The following EML6 variants were observed in gnomAD, a reference collection of about 807,000 sequenced individuals.
EML6 encodes echinoderm microtubule-associated protein-like 6.
In EML6, 154 loss-of-function variants were observed where a neutral mutation model predicts 240.1. That is an observed-to-expected ratio of 0.64 (90% confidence interval 0.56 to 0.73). The LOEUF (loss-of-function observed/expected upper bound fraction) is 0.73. Ranked by LOEUF, EML6 falls within the 30% of genes least tolerant of loss-of-function variation. The pLI, the probability that EML6 is intolerant of heterozygous loss-of-function variation, is 0.00. For missense variants in EML6, 2,964 were observed against 2,474.6 expected (o/e 1.20, Z -4.20); for synonymous variants, 1,148 against 899.0 (o/e 1.28, Z -4.95).
intron 17 of EML6, chr2:54,881,560 A>G (rs1671808861): frequency 6.6e-6 from 1 of 151,560 alleles, no homozygotes; most frequent in African/African-American, 2.4e-5. Flanking sequence ...GAGGCAGGAA[A>G]ATCGCTTGAA....
intron 17 of EML6, chr2:54,882,549 T>C (rs1231551236): frequency 1.3e-5 from 2 of 151,702 alleles, no homozygotes; most frequent in Non-Finnish European, 2.9e-5. Context: ...AATCTGAAAG[T>C]TTTGCTGCTA....
chr2:54,794,074 A>G (rs1457930101), intron 2 of EML6, among the ~76,000 whole-genome samples: 1 of 152,184 alleles, frequency 6.6e-6, no homozygotes, highest in Non-Finnish European at 1.5e-5. Flanking sequence ...TGTACTAAGT[A>G]TATTCCATAT....
intron 2 of EML6, among the ~76,000 whole-genome samples, chr2:54,779,774 A>G (rs1668765338): frequency 6.8e-6 from 1 of 147,804 alleles, no homozygotes; most frequent in Non-Finnish European, 1.5e-5. Flanking sequence ...AAGTGGGAGG[A>G]TGGCTTGAGC....
intron 13 of EML6, 122 bp downstream of exon 13, chr2:54,864,011 A>T (rs895766166): frequency 6.8e-6 from 4 of 591,358 alleles, no homozygotes; most frequent in Non-Finnish European, 8.9e-6. Flanking sequence ...AAACAAGAAA[A>T]ATAGTCTACT....
At chr2:54,858,234 G>A (rs1447163918) in intron 11 of EML6, among the ~76,000 whole-genome samples, 1 of 152,180 alleles carries the variant, frequency 6.6e-6, no homozygotes, top group Non-Finnish European at 1.5e-5. Context: ...TTATGACGTG[G>A]CATATAGAGA....
intron 24 of EML6, among the ~76,000 whole-genome samples, chr2:54,907,288 C>T (rs867163208): frequency 3.3e-5 from 5 of 151,982 alleles, no homozygotes; most frequent in Non-Finnish European, 7.4e-5. Flanking sequence ...AGGTGGGTGA[C>T]CTGAGGTGAG....
In EML6 at chr2:54,876,377, T is replaced by C. The variant is rs79055538; in HGVS notation, c.2345-3170T>C. Reference sequence around the variant, plus strand: ...ATGGCTGTTGAGGCACCTCTGGGTTTGCACTGCTGCTTCCATTGCTACCCA... The same window carrying C: ...ATGGCTGTTGAGGCACCTCTGGGTTCGCACTGCTGCTTCCATTGCTACCCA... On this transcript the variant is annotated intron_variant, in intron 16 of 41. Transcript: ENST00000356458. Among the ~76,000 whole-genome samples the C allele has an allele frequency of 9.3e-3, 1,423 of 152,290 alleles. 45 individuals are homozygous for C. In the South Asian group the frequency reaches 0.1, roughly 11 times the overall value.
intron 7 of EML6, among the ~76,000 whole-genome samples, chr2:54,836,113 G>A (rs1282485431): frequency 2.0e-5 from 3 of 152,168 alleles, no homozygotes; most frequent in Admixed American, 2.0e-4. Flanking sequence ...ACACTGCAGA[G>A]GCCCGAGCCT....
At chr2:54,825,232 GTC>G (rs1412846259) in intron 5 of EML6, among the ~76,000 whole-genome samples, 10 of 152,206 alleles carry the variant, frequency 6.6e-5, no homozygotes, top group Non-Finnish European at 7.3e-5. Context: ...AAAGGGAACT[GTC>G]TGCCTTAAGC....
At chr2:54,845,521 A>G (rs923677875) in intron 8 of EML6, among the ~76,000 whole-genome samples, 9 of 152,234 alleles carry the variant, frequency 5.9e-5, no homozygotes, top group African/African-American at 2.2e-4. Flanking sequence ...ACATTTTTAC[A>G]CTAAGTATTA....
intron 26 of EML6, among the ~76,000 whole-genome samples, chr2:54,924,799 G>A (rs1055886911): frequency 1.3e-5 from 2 of 152,234 alleles, no homozygotes; most frequent in East Asian, 1.9e-4. Flanking sequence ...CTGACCTCAG[G>A]TGATCCACCT....
chr2:54,748,716 T>G (rs1004682871), intron 2 of EML6, among the ~76,000 whole-genome samples: 2 of 152,032 alleles, frequency 1.3e-5, no homozygotes, highest in Non-Finnish European at 2.9e-5. Flanking sequence ...CATGCCACAC[T>G]CTCTGCTAAT....
At chr2:54,875,667 T>C (rs573501429) in intron 16 of EML6, among the ~76,000 whole-genome samples, 2 of 152,346 alleles carry the variant, frequency 1.3e-5, no homozygotes, top group South Asian at 4.1e-4. Context: ...TTGGGCAAAA[T>C]CTGTAACTGG....
intron 26 of EML6, among the ~76,000 whole-genome samples, chr2:54,919,455 C>A (rs1674108300): frequency 6.6e-6 from 1 of 152,132 alleles, no homozygotes; most frequent in Non-Finnish European, 1.5e-5. Flanking sequence ...TTGTTAATAA[C>A]TGATTAGGTT....
Position 54,954,020 on chromosome 2 carries a change from CAA to C in EML6, c.4352_4353del (p.Lys1451ThrfsTer34), listed in dbSNP as rs1676113348. On this transcript the variant is annotated frameshift_variant, in exon 32 of 42. Transcript: ENST00000356458. LOFTEE classifies it high-confidence loss of function. Reference sequence around the variant, plus strand: ...CCATCCACATATGGGACGCCATGACCAAACACACCCTCTCCATGCTGCGGTGC... The same window carrying C: ...CCATCCACATATGGGACGCCATGACCACACACCCTCTCCATGCTGCGGTGC... ...PSIHIWDAMT[K>X]HTLSMLRCFH... 2 of 1,551,760 alleles carry C rather than the reference CAA, an allele frequency of 1.3e-6. No individual in the cohort carries two copies. The highest frequency in any genetic ancestry group is 3.9e-5 in the Admixed American group (2 of 50,956).
intron 13 of EML6, among the ~76,000 whole-genome samples, chr2:54,864,594 C>T (rs767510830): frequency 1.3e-5 from 2 of 152,174 alleles, no homozygotes; most frequent in Non-Finnish European, 2.9e-5. Context: ...GAAGCAGATT[C>T]TGTACATGAA....
chr2:54,813,992 T>C (rs1667972856), intron 3 of EML6, among the ~76,000 whole-genome samples: 1 of 152,234 alleles, frequency 6.6e-6, no homozygotes, highest in Non-Finnish European at 1.5e-5. Context: ...GTGTCATGTC[T>C]GACTTAGTTG....
chr2:54,935,466 T>G (rs1675087181), intron 28 of EML6, among the ~76,000 whole-genome samples: 1 of 152,230 alleles, frequency 6.6e-6, no homozygotes, highest in African/African-American at 2.4e-5. Flanking sequence ...TAGTATTATA[T>G]CTGCATAACT....
intron 7 of EML6, among the ~76,000 whole-genome samples, chr2:54,834,105 C>A (rs1054582412): frequency 3.3e-5 from 5 of 152,052 alleles, no homozygotes; most frequent in African/African-American, 1.2e-4. Context: ...ATATAAAATT[C>A]TGGAATTTTC....
Sources: gnomAD v4.1 joint callset for allele counts (sites outside exome capture counted in the v4.1 genomes callset) on GRCh38, gnomAD v4.1.1 for gene constraint, MANE v1.5 for transcripts, NCBI Gene and HGNC (gene_info 2026-07-23, HGNC 2026-07-21) for gene names.